Variants in MACROD2 observed in about 807,000 individuals in gnomAD.
MACROD2 encodes mono-ADP ribosylhydrolase 2.
A neutral mutation model predicts 70.4 loss-of-function variants in MACROD2; 36 were observed. The observed-to-expected ratio is 0.51, with a 90% CI of 0.39 to 0.68. The LOEUF is 0.68. Ranked by LOEUF, MACROD2 falls within the 30% of genes least tolerant of loss-of-function variation. The pLI, the probability that MACROD2 is intolerant of heterozygous loss-of-function variation, is 0.00. For synonymous variants in MACROD2, 172 were observed against 178.8 expected (o/e 0.96, Z 0.30); for missense variants, 496 against 538.4 (o/e 0.92, Z 0.78).
intron 5 of MACROD2, among the ~76,000 whole-genome samples, chr20:15,042,704 C>T (rs2075365147): frequency 6.6e-6 from 1 of 152,172 alleles, no homozygotes; most frequent in African/African-American, 2.4e-5. Flanking sequence ...AGCAGAAGCT[C>T]AGCGTGCCAT....
At chr20:15,839,910 T>C (rs2064153108) in intron 8 of MACROD2, among the ~76,000 whole-genome samples, 1 of 152,168 alleles carries the variant, frequency 6.6e-6, no homozygotes, top group Non-Finnish European at 1.5e-5. Context: ...CTTAAACTTT[T>C]TCTGCCTCAG....
At chr20:14,267,004 G>GTGA (rs1015634723) in intron 3 of MACROD2, among the ~76,000 whole-genome samples, 7 of 152,144 alleles carry the variant, frequency 4.6e-5, no homozygotes, top group African/African-American at 1.4e-4. Context: ...TATTTGCCAA[G>GTGA]TGATGACTTT....
At chr20:15,703,933 A>G (rs2050495955) in intron 8 of MACROD2, among the ~76,000 whole-genome samples, 1 of 152,222 alleles carries the variant, frequency 6.6e-6, no homozygotes, top group Admixed American at 6.5e-5. Flanking sequence ...CTTTTAAGAT[A>G]TAGCCCCAGA....
At chr20:14,789,460 ATTTTTTTTTTTTTTTTT>A (rs3045609) in intron 5 of MACROD2, among the ~76,000 whole-genome samples, 1 of 48,362 alleles carries the variant, frequency 2.1e-5, no homozygotes, top group East Asian at 6.8e-4. Flanking sequence ...GGTAGTGCAA[ATTTTTTTTTTTTTTTTT>A]TTTTTTTTTT....
At chr20:14,016,072 T>G (rs11906598) in intron 2 of MACROD2, among the ~76,000 whole-genome samples, 23,083 of 152,206 alleles carry the variant, frequency 0.15, 1,943 homozygotes, top group Admixed American at 0.22. Flanking sequence ...CTATAGTATT[T>G]TACATTCCAA....
chr20:14,465,980 T>C (rs1489874345), intron 3 of MACROD2, among the ~76,000 whole-genome samples: 1 of 152,112 alleles, frequency 6.6e-6, no homozygotes, highest in Non-Finnish European at 1.5e-5. Context: ...TTTCCTTCAT[T>C]TCAACTTTGG....
intron 8 of MACROD2, among the ~76,000 whole-genome samples, chr20:15,548,271 G>A (rs1485712591): frequency 6.6e-6 from 1 of 152,182 alleles, no homozygotes; most frequent in Non-Finnish European, 1.5e-5. Flanking sequence ...GGTTTGAAAT[G>A]CCACAGTTAA....
chr20:15,066,813 C>A (rs2075579452), intron 5 of MACROD2, among the ~76,000 whole-genome samples: 2 of 150,100 alleles, frequency 1.3e-5, no homozygotes, highest in Admixed American at 6.7e-5. Flanking sequence ...ACCCGCAAGG[C>A]GGAGGTTGCA....
At chr20:14,940,494 G>C (rs1000004892) in intron 5 of MACROD2, among the ~76,000 whole-genome samples, 2 of 152,134 alleles carry the variant, frequency 1.3e-5, no homozygotes, top group African/African-American at 4.8e-5. Flanking sequence ...TAGAGGAAAG[G>C]CATTCAATTT....
chr20:14,576,257 T>C (rs930210981), intron 4 of MACROD2, among the ~76,000 whole-genome samples: 3 of 152,012 alleles, frequency 2.0e-5, no homozygotes, highest in Admixed American at 6.6e-5. Flanking sequence ...CAGGCCCAGG[T>C]TTTGATGTGA....
intron 4 of MACROD2, among the ~76,000 whole-genome samples, chr20:14,619,211 A>G (rs1017889967): frequency 6.6e-6 from 1 of 151,724 alleles, no homozygotes; most frequent in Admixed American, 6.6e-5. Context: ...TGTTCTTGAA[A>G]TTTTTATCCA....
chr20:15,582,100 C>T (rs1214610126), intron 8 of MACROD2, among the ~76,000 whole-genome samples: 8 of 149,850 alleles, frequency 5.3e-5, no homozygotes, highest in African/African-American at 9.8e-5. Flanking sequence ...CCAGCCTGGG[C>T]GACAGTGCCA....
chr20:14,379,024 T>G (rs914335696), intron 3 of MACROD2, among the ~76,000 whole-genome samples: 3 of 152,192 alleles, frequency 2.0e-5, no homozygotes, highest in African/African-American at 7.2e-5. Flanking sequence ...TCCGAGCACT[T>G]TCCCCAATAA....
chr20:15,195,127 A>G (rs942874268), intron 5 of MACROD2, among the ~76,000 whole-genome samples: 9 of 152,218 alleles, frequency 5.9e-5, no homozygotes, highest in African/African-American at 2.2e-4. Context: ...AAACTGTGAA[A>G]TCCCTAGAAG....
chr20:14,207,880 A>T (rs1208797725), intron 3 of MACROD2, among the ~76,000 whole-genome samples: 2 of 152,244 alleles, frequency 1.3e-5, no homozygotes, highest in African/African-American at 2.4e-5. Context: ...AATGCAAGGT[A>T]CATGTAGTGA....
intron 3 of MACROD2, among the ~76,000 whole-genome samples, chr20:14,198,725 C>T (rs1439957320): frequency 6.6e-6 from 1 of 151,992 alleles, no homozygotes; most frequent in African/African-American, 2.4e-5. Context: ...GTCTCTGATC[C>T]TTTTCCTCCT....
intron 3 of MACROD2, among the ~76,000 whole-genome samples, chr20:14,398,940 G>C (rs576092102): frequency 1.4e-3 from 213 of 151,144 alleles, no homozygotes; most frequent in African/African-American, 5.0e-3. Flanking sequence ...CATTCCTTTA[G>C]ATTTCTTATA....
chr20:15,124,684 A>G lies in MACROD2; in HGVS notation c.419-105256A>G, dbSNP rs796394224. On this transcript the variant is annotated intron_variant, in intron 5 of 17. Transcript: ENST00000684519. Reference sequence around the variant, plus strand: ...GATAATTTAAATATAATTTTATAGCATATGTTTTTATTTTTATATTTCTTC... The same window carrying G: ...GATAATTTAAATATAATTTTATAGCGTATGTTTTTATTTTTATATTTCTTC... 1.5e-4 allele frequency among the ~76,000 whole-genome samples: 23 copies of G among 152,104 alleles called. No homozygotes were observed. The South Asian group carries it at 1.9e-3, about 12-fold the overall frequency.
At chr20:14,129,231 C>G (rs2054688861) in intron 3 of MACROD2, among the ~76,000 whole-genome samples, 1 of 152,096 alleles carries the variant, frequency 6.6e-6, no homozygotes, top group Non-Finnish European at 1.5e-5. Context: ...TTAACACGAA[C>G]AGAAATTTGG....
Sources: gnomAD v4.1 joint callset for allele counts (sites outside exome capture counted in the v4.1 genomes callset) on GRCh38, gnomAD v4.1.1 for gene constraint, MANE v1.5 for transcripts, NCBI Gene and HGNC (gene_info 2026-07-23, HGNC 2026-07-21) for gene names.